METTL15: variants seen among roughly 807,000 people sequenced by gnomAD.
The protein encoded by METTL15 is methyltransferase 15, mitochondrial 12S rRNA N4-cytidine.
A neutral mutation model predicts 38.3 loss-of-function variants in METTL15; 34 were observed. The observed-to-expected ratio is 0.89, with a 90% CI of 0.68 to 1.18. METTL15 has a LOEUF of 1.18. Ranked by LOEUF, METTL15 falls within the 50% of genes most tolerant of loss-of-function variation. The pLI, the probability that METTL15 is intolerant of heterozygous loss-of-function variation, is 0.00. For synonymous variants in METTL15, 162 were observed against 170.9 expected (o/e 0.95, Z 0.41); for missense variants, 438 against 498.4 (o/e 0.88, Z 1.15).
intron 5 of METTL15, among the ~76,000 whole-genome samples, chr11:28,295,517 C>T (rs1402397766): frequency 6.6e-6 from 1 of 151,974 alleles, no homozygotes; most frequent in Non-Finnish European, 1.5e-5. Flanking sequence ...AGGAGAATCA[C>T]TTGAACCCTG....
chr11:28,192,665 T>C (rs928061082), intron 3 of METTL15, among the ~76,000 whole-genome samples: 1 of 152,098 alleles, frequency 6.6e-6, no homozygotes, highest in African/African-American at 2.4e-5. Flanking sequence ...AACTGGACTT[T>C]CCTTTATTAG....
chr11:28,205,050 T>A (rs908892922), intron 3 of METTL15, among the ~76,000 whole-genome samples: 5 of 151,994 alleles, frequency 3.3e-5, no homozygotes, highest in African/African-American at 1.2e-4. Flanking sequence ...TCCTGTGCAT[T>A]TCTTTGTTAA....
At chr11:28,486,253 G>T (rs1350190740) in intron 6 of METTL15, among the ~76,000 whole-genome samples, 1 of 152,092 alleles carries the variant, frequency 6.6e-6, no homozygotes, top group Non-Finnish European at 1.5e-5. Context: ...TGCATCTTAG[G>T]CCACTTCACT....
At chr11:28,159,317 C>G (rs1850370770) in intron 3 of METTL15, among the ~76,000 whole-genome samples, 1 of 151,974 alleles carries the variant, frequency 6.6e-6, no homozygotes, top group Non-Finnish European at 1.5e-5. Context: ...TACAGGAGAT[C>G]CATTAGGGCA....
At chr11:28,389,542 C>G (rs561335781) in intron 5 of METTL15, among the ~76,000 whole-genome samples, 2 of 151,998 alleles carry the variant, frequency 1.3e-5, no homozygotes, top group South Asian at 2.1e-4. Context: ...TCATCCATGT[C>G]CCTACAAAGG....
chr11:28,496,695 A>G (rs2133485866), intron 6 of METTL15, among the ~76,000 whole-genome samples: 1 of 152,334 alleles, frequency 6.6e-6, no homozygotes, highest in East Asian at 1.9e-4. Context: ...AACGAAACCC[A>G]ATAGACTCTA....
Position 28,171,055 on chromosome 11 carries a change from C to T in METTL15, c.271-40007C>T, listed in dbSNP as rs1850839388. 6.6e-5 allele frequency among the ~76,000 whole-genome samples: 10 copies of T among 152,194 alleles called. No homozygotes were observed. The South Asian group carries it at 2.1e-3, about 31-fold the overall frequency. Reference sequence around the variant, plus strand: ...TTCTGTCTTCTGGAGAAGCTGGCCACTACTTCAGCTCCCTTGGACTATTAG... The same window carrying T: ...TTCTGTCTTCTGGAGAAGCTGGCCATTACTTCAGCTCCCTTGGACTATTAG... On this transcript the variant is annotated intron_variant, in intron 3 of 6. Coordinates refer to ENST00000407364, the MANE Select transcript of METTL15 (RefSeq NM_001113528.2).
rs10835277 is a variant in METTL15 at position 28,158,925 on chromosome 11, C to T, written c.270+45321C>T. ...GAAGGCTGTGTGTGCTCTGAATCAG[C>T]GTCCAATATATGGTACTGTTTCTCC... On this transcript the variant is annotated intron_variant, in intron 3 of 6. Transcript: ENST00000407364. Among the ~76,000 whole-genome samples the T allele has an allele frequency of 0.014, 2,087 of 152,184 alleles. 280 individuals are homozygous for T. The East Asian group carries it at 0.32, about 24-fold the overall frequency.
At chr11:28,389,045 G>T (rs1034101367) in intron 5 of METTL15, among the ~76,000 whole-genome samples, 5 of 151,748 alleles carry the variant, frequency 3.3e-5, no homozygotes, top group South Asian at 2.1e-4. Flanking sequence ...TATTCCATGG[G>T]GTATACGTGC....
At chr11:28,377,928 G>T (rs1316967209) in intron 5 of METTL15, among the ~76,000 whole-genome samples, 3 of 152,164 alleles carry the variant, frequency 2.0e-5, no homozygotes, top group Admixed American at 1.3e-4. Flanking sequence ...TGAGGTGTCA[G>T]TGTGTCCCTG....
chr11:28,371,900 G>C (rs1850246923), intron 5 of METTL15, among the ~76,000 whole-genome samples: 2 of 151,870 alleles, frequency 1.3e-5, no homozygotes, highest in Non-Finnish European at 2.9e-5. Context: ...AGAGACTTTA[G>C]GTTTTTCTAA....
intron 3 of METTL15, chr11:28,123,818 A>T (rs1852352555): frequency 2.2e-6 from 3 of 1,351,806 alleles, no homozygotes; most frequent in Non-Finnish European, 3.0e-6. Context: ...TCAAGATAAA[A>T]CTGAAATCTT....
At chr11:28,438,391 C>A (rs766367162) in intron 6 of METTL15, among the ~76,000 whole-genome samples, 1 of 152,182 alleles carries the variant, frequency 6.6e-6, no homozygotes, top group Non-Finnish European at 1.5e-5. Context: ...TGTCCTACAT[C>A]GGGTTGTCTG....
chr11:28,118,669 AGTG>A (rs1435548976), intron 3 of METTL15, among the ~76,000 whole-genome samples: 1 of 152,178 alleles, frequency 6.6e-6, no homozygotes, highest in Non-Finnish European at 1.5e-5. Context: ...CCCCAGTAGT[AGTG>A]CTAATTTAGC....
intron 6 of METTL15, among the ~76,000 whole-genome samples, chr11:28,302,360 G>A (rs1411358074): frequency 1.3e-5 from 2 of 152,124 alleles, no homozygotes; most frequent in Non-Finnish European, 2.9e-5. Flanking sequence ...GTCATAAAAA[G>A]CAAATGTCCT....
intron 3 of METTL15, among the ~76,000 whole-genome samples, chr11:28,126,996 G>T (rs1241979309): frequency 2.0e-5 from 3 of 152,056 alleles, no homozygotes; most frequent in Admixed American, 6.6e-5. Flanking sequence ...AAGGGAACAT[G>T]TACAAAAGTT....
At chr11:28,285,046 A>T (rs775353704) in intron 4 of METTL15, among the ~76,000 whole-genome samples, 2 of 152,046 alleles carry the variant, frequency 1.3e-5, no homozygotes, top group African/African-American at 4.8e-5. Context: ...TGATGGTTTT[A>T]TATGCATCTG....
intron 4 of METTL15, among the ~76,000 whole-genome samples, chr11:28,234,887 A>G (rs1256858093): frequency 3.4e-5 from 5 of 148,250 alleles, no homozygotes; most frequent in African/African-American, 7.5e-5. Flanking sequence ...GCCCATGCCT[A>G]TGTCCTGAAT....
At chr11:28,433,857 C>T (rs781386223) in intron 6 of METTL15, among the ~76,000 whole-genome samples, 1 of 152,092 alleles carries the variant, frequency 6.6e-6, no homozygotes, top group Non-Finnish European at 1.5e-5. Flanking sequence ...CCTTTCTTCT[C>T]CAATACCACT....
Sources: allele counts gnomAD v4.1 joint callset (sites outside exome capture counted in the v4.1 genomes callset), GRCh38; gene constraint gnomAD v4.1.1; transcripts MANE v1.5; gene names NCBI Gene and HGNC (gene_info 2026-07-23, HGNC 2026-07-21).